The following CTNNA3 variants were observed in gnomAD, a reference collection of about 807,000 sequenced individuals.
CTNNA3 encodes catenin alpha-3.
In CTNNA3, 76 loss-of-function variants were observed where a neutral mutation model predicts 95.7. The ratio of observed to expected loss-of-function variants is 0.79; its 90% confidence interval spans 0.66 to 0.96. CTNNA3 has a LOEUF of 0.96. Ranked by LOEUF, CTNNA3 falls within the 40% of genes least tolerant of loss-of-function variation. CTNNA3 has a pLI of 0.00. For missense variants in CTNNA3, 1,191 were observed against 1,089.8 expected (o/e 1.09, Z -1.31); for synonymous variants, 431 against 374.4 (o/e 1.15, Z -1.74).
chr10:66,233,739 T>G (rs962331796), intron 13 of CTNNA3, among the ~76,000 whole-genome samples: 3 of 152,272 alleles, frequency 2.0e-5, no homozygotes. Flanking sequence ...ATATAAAACT[T>G]TGGAACTTGC....
chr10:65,954,132 G>A (rs77683887), intron 17 of CTNNA3, among the ~76,000 whole-genome samples: 14,681 of 152,182 alleles, frequency 0.096, 859 homozygotes, highest in East Asian at 0.29. Context: ...TTCTCTGATC[G>A]TCAGTGATGA....
intron 10 of CTNNA3, among the ~76,000 whole-genome samples, chr10:66,558,851 TCTATTCAAATCTCA>T (rs1842468150): frequency 6.6e-6 from 1 of 152,112 alleles, no homozygotes; most frequent in South Asian, 2.1e-4. Context: ...TTAATTAGTA[TCTATTCAAATCTCA>T]CTAAATAATT....
Position 66,976,705 on chromosome 10 carries a change from G to A in CTNNA3, c.1048-201181C>T, listed in dbSNP as rs143842144. Among the ~76,000 whole-genome samples, 559 of 151,896 alleles carry A rather than the reference G, an allele frequency of 3.7e-3. 7 individuals carry two copies. Among genetic ancestry groups the A allele is most frequent in the East Asian group, 7.4e-3 (38 of 5,150 alleles). On this transcript the variant is annotated intron_variant, in intron 7 of 17. Coordinates refer to ENST00000433211, the MANE Select transcript of CTNNA3 (RefSeq NM_013266.4). ...CCACACTGATCTATTTACTTTCTTC[G>A]TCAATACAATTTTATTCTCTGAACT...
chr10:66,631,148 A>G (rs1251958211), intron 9 of CTNNA3, among the ~76,000 whole-genome samples: 1 of 152,122 alleles, frequency 6.6e-6, no homozygotes, highest in African/African-American at 2.4e-5. Flanking sequence ...AATTTTATGA[A>G]TCCTCAATCA....
Position 66,103,239 on chromosome 10 carries a change from T to G in CTNNA3, c.1895A>C (p.Glu632Ala), listed in dbSNP as rs2081724159. 2 of 1,613,476 alleles carry G rather than the reference T, an allele frequency of 1.2e-6. No individual in the cohort carries two copies. The highest frequency in any genetic ancestry group is 2.2e-5 in the South Asian group (2 of 91,070). Reference sequence around the variant, plus strand: ...TTCAAGGTCAGAAACATCCTCCAGTTCCTCTGGGGTCTATAAAAAGAAAGC... The same window carrying G: ...TTCAAGGTCAGAAACATCCTCCAGTGCCTCTGGGGTCTATAAAAAGAAAGC... Reference protein sequence around the residue: ...CSVMMIRTPEELEDVSDLEEE... With the variant: ...CSVMMIRTPEALEDVSDLEEE... Residue 632 changes from glutamate to alanine, a missense_variant, in exon 14 of 18, where the codon GAA becomes GCA. Transcript: ENST00000433211.
In CTNNA3 at chr10:66,224,821, T is replaced by C. The variant is rs189685161; in HGVS notation, c.1884+55649A>G. ...CTAAAATTCATAGTCCTTACAGTTT[T>C]TTGAAAGCAGTCTCAATTTAGTTTG... On this transcript the variant is annotated intron_variant, in intron 13 of 17. Transcript: ENST00000433211. Among the ~76,000 whole-genome samples, 47 of 152,274 alleles carry C rather than the reference T, an allele frequency of 3.1e-4. 1 individual carries two copies. The East Asian group carries it at 5.2e-3, about 17-fold the overall frequency.
At chr10:67,592,646 GA>G (rs1203027678) in intron 3 of CTNNA3, among the ~76,000 whole-genome samples, 2 of 151,582 alleles carry the variant, frequency 1.3e-5, no homozygotes, top group Non-Finnish European at 1.5e-5. Context: ...CTTTAAAAAA[GA>G]AAAAAAGAAC....
At chr10:66,316,505 C>T (rs2092102075) in intron 12 of CTNNA3, among the ~76,000 whole-genome samples, 1 of 152,036 alleles carries the variant, frequency 6.6e-6, no homozygotes, top group African/African-American at 2.4e-5. Flanking sequence ...GGAACCAGCC[C>T]TGAACAGGAC....
At chr10:67,638,483 T>G (rs1589519708) in intron 2 of CTNNA3, among the ~76,000 whole-genome samples, 1 of 152,302 alleles carries the variant, frequency 6.6e-6, no homozygotes, top group East Asian at 1.9e-4. Context: ...ATCCAGGAAT[T>G]GAACTCAGCT....
chr10:67,635,043 C>T (rs951283832), intron 2 of CTNNA3, among the ~76,000 whole-genome samples: 4 of 151,980 alleles, frequency 2.6e-5, no homozygotes, highest in African/African-American at 9.7e-5. Context: ...CTATAATCAC[C>T]TCTATGCACA....
At chr10:66,736,335 G>T (rs915710444) in intron 9 of CTNNA3, among the ~76,000 whole-genome samples, 1 of 151,422 alleles carries the variant, frequency 6.6e-6, no homozygotes, top group African/African-American at 2.4e-5. Flanking sequence ...ACAGGCGCAC[G>T]CCGCCACACC....
intron 11 of CTNNA3, among the ~76,000 whole-genome samples, chr10:66,428,999 A>G (rs924669471): frequency 2.0e-5 from 3 of 152,070 alleles, no homozygotes; most frequent in African/African-American, 4.8e-5. Flanking sequence ...AAATTGATAG[A>G]CCGCTAGCAA....
chr10:66,720,129 T>C (rs1848578638), intron 9 of CTNNA3, among the ~76,000 whole-genome samples: 1 of 151,932 alleles, frequency 6.6e-6, no homozygotes, highest in Non-Finnish European at 1.5e-5. Context: ...TTGAGATGTC[T>C]CACGATGCTA....
chr10:66,767,313 G>A (rs1271188686), intron 8 of CTNNA3, among the ~76,000 whole-genome samples: 2 of 151,926 alleles, frequency 1.3e-5, no homozygotes, highest in South Asian at 2.1e-4. Flanking sequence ...GGGCATAGTG[G>A]CAGGCACCTG....
intron 7 of CTNNA3, among the ~76,000 whole-genome samples, chr10:67,048,993 ATAGT>A (rs1321328542): frequency 1.3e-5 from 2 of 149,632 alleles, no homozygotes; most frequent in Non-Finnish European, 3.0e-5. Context: ...TTCTTTTAAC[ATAGT>A]TATTTTATAG....
chr10:65,961,767 A>G (rs2077849662), intron 17 of CTNNA3, among the ~76,000 whole-genome samples: 1 of 152,010 alleles, frequency 6.6e-6, no homozygotes, highest in Admixed American at 6.6e-5. Context: ...GTAAAAAAAA[A>G]AAATTAGTAT....
At chr10:66,320,447 C>T (rs7916529) in intron 12 of CTNNA3, among the ~76,000 whole-genome samples, 12,866 of 152,106 alleles carry the variant, frequency 0.085, 692 homozygotes, top group East Asian at 0.21. Context: ...AACAAAATTG[C>T]CATTCAGCCA....
intron 13 of CTNNA3, 68 bp downstream of exon 13, chr10:66,280,402 A>G: frequency 7.5e-7 from 1 of 1,333,796 alleles, no homozygotes. Flanking sequence ...CATTTCTTGC[A>G]GTCATCCCAG....
chr10:66,145,920 C>G (rs149648029), intron 13 of CTNNA3, among the ~76,000 whole-genome samples: 2 of 152,216 alleles, frequency 1.3e-5, no homozygotes, highest in East Asian at 3.9e-4. Context: ...GTGGCATGAT[C>G]TAGGCTCACT....
Sources: allele counts gnomAD v4.1 joint callset (sites outside exome capture counted in the v4.1 genomes callset), GRCh38; gene constraint gnomAD v4.1.1; transcripts MANE v1.5; gene names NCBI Gene and HGNC (gene_info 2026-07-23, HGNC 2026-07-21).